The following PPT1 variants were observed in gnomAD, a reference collection of about 807,000 sequenced individuals.
PPT1 encodes the protein ceroid-palmitoyl-palmitoyl-protein thioesterase 1.
In PPT1, 24 loss-of-function variants were observed where a neutral mutation model predicts 44.0. The observed-to-expected ratio is 0.54, with a 90% CI of 0.39 to 0.77. PPT1 has a LOEUF of 0.77. PPT1 is among the 30% of genes least tolerant of loss of function. The pLI, the probability that PPT1 is intolerant of heterozygous loss-of-function variation, is 0.00. For missense variants in PPT1, 341 were observed against 378.8 expected (o/e 0.90, Z 0.83); for synonymous variants, 148 against 140.2 (o/e 1.06, Z -0.39).
chr1:40,072,995 A>T lies in PPT1; in HGVS notation c.*1066T>A, dbSNP rs1341163825. On this transcript the variant is annotated 3_prime_UTR_variant, in exon 9 of 9. Coordinates refer to ENST00000642050, the MANE Select transcript of PPT1 (RefSeq NM_000310.4). ...GCTCAAATAGTGTAGGAAATGGTAGATTACGTTAGTTTTGTTTACTGTAAC... is the reference window on the plus strand; with the variant it reads ...GCTCAAATAGTGTAGGAAATGGTAGTTTACGTTAGTTTTGTTTACTGTAAC... The T allele has an allele frequency of 6.6e-6, 1 of 152,212 alleles. No individual in the cohort carries two copies. The highest frequency in any genetic ancestry group is 1.9e-4 in the East Asian group (1 of 5,196). 9.4% of individuals were successfully genotyped at this position (152,212 alleles called of 1,614,324 possible). A position where few individuals can be genotyped will look rare whatever the true frequency, so the allele number is the denominator to read the frequency against.
rs375843850 is a variant in PPT1 at position 40,073,551 on chromosome 1, GTAC to G, written c.*507_*509del. ...ATAAGATGATAGCACAGAGGGCAAC[GTAC>G]TGAGAGAGGAAGGCAGCCTTAAGAA... On this transcript the variant is annotated 3_prime_UTR_variant, in exon 9 of 9. Transcript: ENST00000642050. 7.6e-5 allele frequency: 13 copies of G among 171,328 alleles called. No individual in the cohort carries two copies. The East Asian group carries it at 1.9e-3, about 25-fold the overall frequency. 10.6% of individuals were successfully genotyped at this position (171,328 alleles called of 1,614,324 possible).
At chr1:40,081,136 C>T (rs927074214) in intron 5 of PPT1, among the ~76,000 whole-genome samples, 2 of 152,128 alleles carry the variant, frequency 1.3e-5, no homozygotes, top group African/African-American at 4.8e-5. Context: ...AATTGTAACT[C>T]CCACAATTCC....
chr1:40,080,474 C>T lies in PPT1; in HGVS notation c.550G>A (p.Glu184Lys), dbSNP rs386833655. The T allele has an allele frequency of 1.2e-5, 20 of 1,613,574 alleles. No homozygotes were observed. The highest frequency in any genetic ancestry group is 4.0e-5 in the African/African-American group (3 of 74,830). The change falls in exon 6 of 9, where the codon GAA becomes AAA. Residue 184 changes from glutamate to lysine, a missense_variant. Physicochemically the swap from Glu to Lys is moderately conservative, Grantham distance 56 (BLOSUM62 1). Coordinates refer to ENST00000642050, the MANE Select transcript of PPT1 (RefSeq NM_000310.4). The part of the protein sequence containing the change: ...KVVQERLVQA[E>K]YWHDPIKEDV... The stretch of plus-strand genomic sequence containing the variant: ...TCCTTTATGGGGTCATGCCAGTATT[C>T]GGCTTGCACGAGGCTGTAGGAAAAA...
At chr1:40,081,315 C>T (rs187153598) in intron 5 of PPT1, among the ~76,000 whole-genome samples, 5 of 152,102 alleles carry the variant, frequency 3.3e-5, no homozygotes, top group Admixed American at 2.0e-4. Context: ...GCGGGCAGAT[C>T]GCCTGAGGTC....
In PPT1 at chr1:40,074,096, A is replaced by G. The variant is rs386833669; in HGVS notation, c.886T>C (p.Trp296Arg). 2 of 1,614,040 alleles carry G rather than the reference A, an allele frequency of 1.2e-6. No individual in the cohort carries two copies. Among genetic ancestry groups the G allele is most frequent in the South Asian group, 2.2e-5 (2 of 91,088 alleles). ...EGDHLQLSEE[W>R]FYAHIIPFLG ...AATGGTATGATGTGGGCATAAAACC[A>G]TTCTTCAGACAACTGAAGATGGTCC... The change falls in exon 9 of 9, where the codon TGG (tryptophan) becomes CGG (arginine). Residue 296 changes from tryptophan (W) to arginine (R), a missense_variant. Coordinates refer to ENST00000642050, the MANE Select transcript of PPT1 (RefSeq NM_000310.4).
rs957735108 is a variant in PPT1, at chr1:40,079,380, C to A, written c.628-722G>T. Among the ~76,000 whole-genome samples the A allele has an allele frequency of 2.8e-4, 41 of 144,030 alleles. 1 individual carries two copies. The highest frequency in any genetic ancestry group is 5.1e-4 in the Non-Finnish European group (34 of 66,838). The allele number at this position is 144,030 out of a possible 152,430, so 94.5% of individuals were successfully genotyped here. On this transcript the variant is annotated intron_variant, in intron 6 of 8. Transcript: ENST00000642050. The stretch of plus-strand genomic sequence containing the variant: ...CCCAGTCACGGGATTGCTTACACAG[C>A]CTTTTCTTTTCCTTTTTTTTTTTTT...
intron 5 of PPT1, among the ~76,000 whole-genome samples, chr1:40,084,349 T>C (rs1487070617): frequency 6.6e-6 from 1 of 152,222 alleles, no homozygotes; most frequent in African/African-American, 2.4e-5. Context: ...CTGTGAACAC[T>C]GATGAAACGA....
intron 3 of PPT1, among the ~76,000 whole-genome samples, 196 bp from the exon 4 acceptor site, chr1:40,091,595 G>C (rs1306120209): frequency 6.6e-6 from 1 of 152,186 alleles, no homozygotes; most frequent in African/African-American, 2.4e-5. Flanking sequence ...CAGGCATGGT[G>C]GCTCACACCT....
At chr1:40,087,026 C>A (rs1649298330) in intron 5 of PPT1, among the ~76,000 whole-genome samples, 1 of 152,026 alleles carries the variant, frequency 6.6e-6, no homozygotes, top group South Asian at 2.1e-4. Context: ...TTACTTTAAG[C>A]CTTCACCATC....
At position 40,074,179 on chromosome 1, in the gene PPT1, C is replaced by T. The variant is rs763536047; in HGVS notation, c.803G>A (p.Arg268His). The T allele has an allele frequency of 1.6e-5, 26 of 1,613,872 alleles. No homozygotes were observed. In the East Asian group the frequency reaches 3.1e-4, roughly 19 times the overall value. Reference protein sequence around the residue: ...LQETSLYTQDRLGLKEMDNAG... With the variant: ...LQETSLYTQDHLGLKEMDNAG... Reference sequence around the variant, plus strand: ...ATTGTCCATTTCCTTTAGCCCCAGGCGGTCCTGCAGAAGGAAAGGCCATAA... The same window carrying T: ...ATTGTCCATTTCCTTTAGCCCCAGGTGGTCCTGCAGAAGGAAAGGCCATAA... The change falls in exon 9 of 9, where the codon CGC becomes CAC. Residue 268 changes from arginine to histidine, a missense_variant. Arg to His is a conservative substitution (Grantham distance 29). Coordinates refer to ENST00000642050, the MANE Select transcript of PPT1 (RefSeq NM_000310.4).
chr1:40,078,820 C>CTTTTTTTTTTTTTTTT, intron 6 of PPT1, 162 bp from the exon 7 acceptor site: 1 of 632,486 alleles, frequency 1.6e-6, no homozygotes, highest in Admixed American at 2.3e-5. Context: ...ACCTGTACAG[C>CTTTTTTTTTTTTTTTT]TTTTTTTTTT....
chr1:40,071,915 C>A (rs1557701958), downstream of PPT1: 4 of 412,566 alleles, frequency 9.7e-6, no homozygotes, highest in African/African-American at 4.1e-5. Flanking sequence ...ACTGGTTAAT[C>A]TTTTTTTAAC....
chr1:40,076,947 T>C (rs1490445502), intron 7 of PPT1, 34 bp from the exon 8 acceptor site: 5 of 1,612,214 alleles, frequency 3.1e-6, no homozygotes, highest in Middle Eastern at 3.3e-4. Context: ...AGCTCAGATA[T>C]GACACACAGC....
chr1:40,096,682 C>T (rs1486063184), intron 1 of PPT1: 1 of 184,778 alleles, frequency 5.4e-6, no homozygotes, highest in African/African-American at 2.4e-5. Context: ...TTCCCAGTCC[C>T]AAGCATTTCA....
At chr1:40,072,047 CT>C (rs1648138315), downstream of PPT1, 1 of 403,472 alleles carries the variant, frequency 2.5e-6, no homozygotes, top group African/African-American at 2.1e-5. Context: ...GCTTGGCCAT[CT>C]AGCATTCCAT....
At chr1:40,080,159 T>C (rs1188105151) in intron 6 of PPT1, among the ~76,000 whole-genome samples, 1 of 152,192 alleles carries the variant, frequency 6.6e-6, no homozygotes, top group Admixed American at 6.5e-5. Flanking sequence ...CTGCCGAGCT[T>C]ATCCTGTGTG....
chr1:40,090,133 C>A (rs962914677), intron 4 of PPT1, among the ~76,000 whole-genome samples: 1 of 152,192 alleles, frequency 6.6e-6, no homozygotes, highest in Non-Finnish European at 1.5e-5. Flanking sequence ...GTCCTTCGAA[C>A]AGTATCCTGT....
At chr1:40,081,534 C>CT (rs1041129936) in intron 5 of PPT1, among the ~76,000 whole-genome samples, 44 of 124,522 alleles carry the variant, frequency 3.5e-4, no homozygotes, top group Non-Finnish European at 6.8e-4. Flanking sequence ...GAGAATCCAT[C>CT]TCAAAAAATA....
intron 1 of PPT1, 129 bp downstream of exon 1, chr1:40,096,986 C>T: frequency 6.5e-7 from 1 of 1,534,608 alleles, no homozygotes; most frequent in South Asian, 1.1e-5. Context: ...CCTTCAAATC[C>T]TAAAATGTCG....
Sources: allele counts gnomAD v4.1 joint callset (sites outside exome capture counted in the v4.1 genomes callset), GRCh38; gene constraint gnomAD v4.1.1; transcripts MANE v1.5; gene names NCBI Gene and HGNC (gene_info 2026-07-23, HGNC 2026-07-21).